Variants in PER2 observed in about 807,000 individuals in gnomAD.
PER2 encodes period circadian regulator 2, also known as period circadian protein homolog 2.
In PER2, 66 loss-of-function variants were observed where a neutral mutation model predicts 121.0. The ratio of observed to expected loss-of-function variants is 0.55; its 90% CI spans 0.45 to 0.67. The LOEUF (loss-of-function observed/expected upper bound fraction) is 0.67, where lower values mean the gene tolerates loss of function less well. Ranked by LOEUF, PER2 falls within the 30% of genes least tolerant of loss-of-function variation. PER2 has a pLI of 0.00. For missense variants in PER2, 1,521 were observed against 1,635.0 expected, an observed-to-expected ratio of 0.93 and a Z score of 1.20; for synonymous variants, 684 against 659.9, an observed-to-expected ratio of 1.04 and a Z score of -0.56.
rs1696191785 is a variant in PER2, at chr2:238,268,767, T to C, written c.824+156A>G. On this transcript the variant is annotated intron_variant, in intron 7 of 22. Coordinates refer to ENST00000254657, the MANE Select transcript of PER2 (RefSeq NM_022817.3). This position sits in a 1 kb window ranked among gnomAD's most constrained non-coding sequence, Gnocchi z 4.0. ...GCATTCTTAGCGACCTGTACACATTTAAAATGTAACTGACTGTGTTTTCTG... is the reference window on the plus strand; with the variant it reads ...GCATTCTTAGCGACCTGTACACATTCAAAATGTAACTGACTGTGTTTTCTG... Among the ~76,000 whole-genome samples the C allele has an allele frequency of 6.6e-6, 1 of 152,182 alleles. No individual in the cohort carries two copies. The highest frequency in any genetic ancestry group is 1.5e-5 in the Non-Finnish European group (1 of 68,032).
chr2:238,255,656 C>G lies in PER2; in HGVS notation c.2320+1G>C. Reference sequence around the variant, plus strand: ...GCACTTTTAATTCGGGTATCACTTACTTCGTTCACTTGGCTGCCCCTTGGA... The same window carrying G: ...GCACTTTTAATTCGGGTATCACTTAGTTCGTTCACTTGGCTGCCCCTTGGA... On this transcript the variant is annotated splice_donor_variant, in intron 18 of 22. Transcript: ENST00000254657. LOFTEE classifies it high-confidence loss of function. The G allele has an allele frequency of 6.2e-7, 1 of 1,614,248 alleles. No homozygotes were observed. The highest frequency in any genetic ancestry group is 8.5e-7 in the Non-Finnish European group (1 of 1,180,016).
Position 238,253,342 on chromosome 2 carries a change from G to C in PER2, c.2681C>G (p.Pro894Arg). Residue 894 changes from proline to arginine, a missense_variant, in exon 19 of 23, where the codon CCA becomes CGA. Coordinates refer to ENST00000254657, the MANE Select transcript of PER2 (RefSeq NM_022817.3). This position sits in a 1 kb window ranked among gnomAD's most constrained non-coding sequence, Gnocchi z 5.6. ...AGGCGCCAAAGGGGCAGGGAAAGGT[G>C]GGGGCTGGACTGCAAACTGGTGCTG... ...DLQHQFAVQP[P>R]PFPAPLAPVM... 1.9e-6 allele frequency: 3 copies of C among 1,613,824 alleles called. No homozygotes were observed. The highest frequency in any genetic ancestry group is 1.7e-6 in the Non-Finnish European group (2 of 1,179,884).
Position 238,269,015 on chromosome 2 carries a change from C to A in PER2, c.773-41G>T, listed in dbSNP as rs773662662. 3 of 1,402,584 alleles carry A rather than the reference C, an allele frequency of 2.1e-6. No homozygotes were observed. The South Asian group carries it at 3.5e-5, about 16-fold the overall frequency. The allele number at this position is 1,402,584 out of a possible 1,614,324, so 86.9% of individuals were successfully genotyped here. ...CAAAGTCATTCATCCAAACCAACAA[C>A]TAAATACAGTGTTCCTCATTTCTCA... On this transcript the variant is annotated intron_variant, in intron 6 of 22. Coordinates refer to ENST00000254657, the MANE Select transcript of PER2 (RefSeq NM_022817.3).
rs142728794 is a variant in PER2, at chr2:238,253,421, G to A, written c.2602C>T (p.Pro868Ser). Residue 868 changes from proline to serine, a missense_variant, in exon 19 of 23, where the codon CCC becomes TCC. Transcript: ENST00000254657. The surrounding 1 kb of genome is among the most constrained non-coding windows in gnomAD (Gnocchi z 5.6). The part of the protein sequence containing the change: ...VFPAPGTVAA[P>S]PAPPHASFTV... ...AAGCTGGCGTGGGGAGGTGCCGGGG[G>A]TGCTGCCACAGTCCCTGGCGCTGGA... 58 of 1,610,602 alleles carry A rather than the reference G, an allele frequency of 3.6e-5. No individual in the cohort carries two copies. Among genetic ancestry groups the A allele is most frequent in the Non-Finnish European group, 4.5e-5 (53 of 1,177,654 alleles).
chr2:238,252,921 C>T lies in PER2; in HGVS notation c.3102G>A (p.Ala1034=), dbSNP rs535224056. The change falls in exon 19 of 23, where the codon GCG becomes GCA. Residue 1034 remains alanine, a synonymous_variant. Coordinates refer to ENST00000254657, the MANE Select transcript of PER2 (RefSeq NM_022817.3). The surrounding 1 kb of genome is among the most constrained non-coding windows in gnomAD (Gnocchi z 4.2). ...ATCAGAAAATCCTTACGGTCAGAGG[C>T]GCCTTCGGCTGCTGGTCCCGAGAAG... The part of the protein sequence containing the change: ...PGTSRDQQPK[A]PLTRDEPSDT... 62 of 1,613,116 alleles carry T rather than the reference C, an allele frequency of 3.8e-5. No individual in the cohort carries two copies. Among genetic ancestry groups the T allele is most frequent in the Admixed American group, 2.5e-4 (15 of 59,996 alleles).
Position 238,246,243 on chromosome 2 carries a change from T to C in PER2, c.*132A>G. ...GCCCCTTCAGAAAACTATGTTGTTT[T>C]TTTTTCTAAAACAAAAAAAGCAACA... On this transcript the variant is annotated 3_prime_UTR_variant, in exon 23 of 23. Transcript: ENST00000254657. The C allele has an allele frequency of 3.3e-6, 2 of 605,374 alleles. No homozygotes were observed. The highest frequency in any genetic ancestry group is 4.8e-4 in the Middle Eastern group (1 of 2,076). The allele number at this position is 605,374 out of a possible 1,614,324, so 37.5% of individuals were successfully genotyped here. A position where few individuals can be genotyped will look rare whatever the true frequency, so the allele number is the denominator to read the frequency against.
rs778246108 is a variant in PER2 at position 238,265,546 on chromosome 2, T to C, written c.1012A>G (p.Thr338Ala). ...PEKRIFTTTH[T>A]PNCLFQDVDE... ...ACATCCTGGAACAAACAATTTGGTGTATGGGTGGTTGTAAAAATTCTCTTT... is the reference window on the plus strand; with the variant it reads ...ACATCCTGGAACAAACAATTTGGTGCATGGGTGGTTGTAAAAATTCTCTTT... Residue 338 changes from threonine to alanine, a missense_variant, in exon 9 of 23, where the codon ACA becomes GCA. Thr to Ala is a moderately conservative substitution (Grantham distance 58). Transcript: ENST00000254657. 1.2e-6 allele frequency: 2 copies of C among 1,611,904 alleles called. No homozygotes were observed. The highest frequency in any genetic ancestry group is 2.2e-5 in the South Asian group (2 of 91,048).
chr2:238,251,720 G>A lies in PER2; in HGVS notation c.3153C>T (p.Ser1051=), dbSNP rs760163001. The A allele has an allele frequency of 5.0e-6, 8 of 1,613,724 alleles. No homozygotes were observed. The highest frequency in any genetic ancestry group is 6.8e-6 in the Non-Finnish European group (8 of 1,179,840). ...PSDTQNSDAL[S]TSSGLLNLLL... is the part of the protein sequence containing the mutation. ...GGAGGTTTAGGAGGCCGCTTGACGT[G>A]GAAAGGGCGTCACTGTTCTGTGTGT... is the stretch of plus-strand genomic sequence containing the variant. The change falls in exon 20 of 23, where the codon TCC becomes TCT. Residue 1051 remains serine (S), a synonymous_variant. Transcript: ENST00000254657.
In PER2 at chr2:238,253,138, C is replaced by T; in HGVS notation, c.2885G>A (p.Cys962Tyr). ...TGGTGGGGTGGCCCGGGTGGCTGGA[C>T]AAGCACATGGCTGTCTGGGGATCGA... ...RTSIPRQPCA[C>Y]PATRATPPSA... Residue 962 changes from cysteine to tyrosine, a missense_variant, in exon 19 of 23, where the codon TGT becomes TAT. By Grantham distance (194) the Cys-to-Tyr change is radical. Coordinates refer to ENST00000254657, the MANE Select transcript of PER2 (RefSeq NM_022817.3). The surrounding 1 kb of genome is among the most constrained non-coding windows in gnomAD (Gnocchi z 5.6). The T allele has an allele frequency of 6.2e-7, 1 of 1,602,272 alleles. No individual in the cohort carries two copies. Among genetic ancestry groups the T allele is most frequent in the Non-Finnish European group, 8.5e-7 (1 of 1,171,580 alleles).
chr2:238,247,392 G>A (rs1189970827), intron 22 of PER2: 6 of 152,376 alleles, frequency 3.9e-5, no homozygotes, highest in East Asian at 1.9e-4. Flanking sequence ...CCTGGAAGCC[G>A]GTCCTCCAGC....
chr2:238,299,803 T>A, the PER2 span: 1 of 152,246 alleles, frequency 6.6e-6, no homozygotes, highest in African/African-American at 2.4e-5. Flanking sequence ...ATACCTTACC[T>A]GTGGTAGGTG....
intron 5 of PER2, among the ~76,000 whole-genome samples, chr2:238,272,678 C>T (rs1011872226): frequency 2.0e-5 from 3 of 152,230 alleles, no homozygotes; most frequent in Non-Finnish European, 4.4e-5. Flanking sequence ...TAAGAATGCA[C>T]GGGCTTTGGA....
chr2:238,273,099 C>G lies in PER2; in HGVS notation c.541G>C (p.Val181Leu). The change falls in exon 5 of 23, where the codon GTT (valine) becomes CTT (leucine). Residue 181 changes from valine (V) to leucine (L), a missense_variant. Coordinates refer to ENST00000254657, the MANE Select transcript of PER2 (RefSeq NM_022817.3). The part of the protein sequence containing the change: ...PSYTVEEMES[V>L]TSEHIVKNAD... ...TTCTTCACAATGTGCTCAGAGGTAA[C>G]GCTCTCCATCTCCTCCACGGTGTAG... 4.3e-6 allele frequency: 7 copies of G among 1,613,834 alleles called. No individual in the cohort carries two copies. The highest frequency in any genetic ancestry group is 5.9e-6 in the Non-Finnish European group (7 of 1,179,728).
At chr2:238,277,324 A>AAGATAAAACTGGAATATAAAACCTTC (rs1696485910) in intron 2 of PER2, 131 bp from the exon 3 acceptor site, 1 of 755,530 alleles carries the variant, frequency 1.3e-6, no homozygotes, top group Non-Finnish European at 2.4e-6. Flanking sequence ...ATACAAGGTT[A>AAGATAAAACTGGAATATAAAACCTTC]AGATAAAACT....
At position 238,265,578 on chromosome 2, in the gene PER2, G is replaced by A. The variant is rs781291620; in HGVS notation, c.980C>T (p.Pro327Leu). ...GGTTGTAAAAATTCTCTTTTCAGGA[G>A]GAATTCTAGGGGCTGAAAGAACAGA... ...VHSGYEAPRI[P>L]PEKRIFTTTH... is the part of the protein sequence containing the mutation. Residue 327 changes from proline (P) to leucine (L), a missense_variant, in exon 9 of 23, where the codon CCT becomes CTT. Physicochemically the swap from Pro to Leu is moderately conservative, Grantham distance 98 (BLOSUM62 -3). Transcript: ENST00000254657. The A allele has an allele frequency of 1.9e-6, 3 of 1,591,998 alleles. No homozygotes were observed. Among genetic ancestry groups the A allele is most frequent in the Non-Finnish European group, 2.6e-6 (3 of 1,159,862 alleles).
rs1377835915 is a variant in PER2 at position 238,252,748 on chromosome 2, T to C, written c.3111+164A>G. Among the ~76,000 whole-genome samples the C allele has an allele frequency of 2.6e-5, 4 of 152,180 alleles. No individual in the cohort carries two copies. The highest frequency in any genetic ancestry group is 9.7e-5 in the African/African-American group (4 of 41,446). On this transcript the variant is annotated intron_variant, in intron 19 of 22. Coordinates refer to ENST00000254657, the MANE Select transcript of PER2 (RefSeq NM_022817.3). The surrounding 1 kb of genome is among the most constrained non-coding windows in gnomAD (Gnocchi z 4.2). ...AATAATCTACTCTGATAGGATTAAG[T>C]GGGAAGCATGAATTTCTGGCACACA...
chr2:238,253,122 G>A lies in PER2; in HGVS notation c.2901C>T (p.Ala967=), dbSNP rs3739063. 8.3e-5 allele frequency: 133 copies of A among 1,604,064 alleles called. No individual in the cohort carries two copies. The East Asian group carries it at 1.9e-3, about 24-fold the overall frequency. ...CCCTACCCATGGCCGATGGTGGGGT[G>A]GCCCGGGTGGCTGGACAAGCACATG... The part of the protein sequence containing the change: ...RQPCACPATR[A]TPPSAMGRAS... Residue 967 remains alanine, a synonymous_variant, in exon 19 of 23, where the codon GCC becomes GCT. Transcript: ENST00000254657. The surrounding 1 kb of genome is among the most constrained non-coding windows in gnomAD (Gnocchi z 5.6).
chr2:238,248,906 C>A, intron 22 of PER2, 156 bp downstream of exon 22: 1 of 782,124 alleles, frequency 1.3e-6, no homozygotes, highest in Non-Finnish European at 2.3e-6. Context: ...CCACCCGCTT[C>A]GGCCTCCCAA....
intron 20 of PER2, among the ~76,000 whole-genome samples, chr2:238,251,345 C>A (rs958337408): frequency 2.6e-5 from 4 of 152,204 alleles, no homozygotes; most frequent in African/African-American, 9.6e-5. Context: ...GCTGGTCCCA[C>A]AAGGAGCCAG....
Sources: allele counts gnomAD v4.1 joint callset (sites outside exome capture counted in the v4.1 genomes callset), GRCh38; gene constraint gnomAD v4.1.1; non-coding constraint Gnocchi (gnomAD v3.1); transcripts MANE v1.5; gene names NCBI Gene and HGNC (gene_info 2026-07-23, HGNC 2026-07-21).